Variants in ST7 observed in about 807,000 individuals in gnomAD.
ST7 encodes suppressor of tumorigenicity 7 protein.
In ST7, 28 loss-of-function variants were observed where a neutral mutation model predicts 78.7. The observed-to-expected ratio is 0.36, with a 90% CI of 0.26 to 0.49. The LOEUF is 0.49. ST7 is among the 20% of genes least tolerant of loss of function. The pLI is 0.99. For synonymous variants in ST7, 247 were observed against 249.6 expected (o/e 0.99, Z 0.10); for missense variants, 418 against 696.0 (o/e 0.60, Z 4.49).
At chr7:117,043,372 G>T (rs1327870113) in intron 1 of ST7, among the ~76,000 whole-genome samples, 6 of 152,186 alleles carry the variant, frequency 3.9e-5, no homozygotes, top group Admixed American at 6.5e-5. Context: ...GGTATGTGTT[G>T]CTGGGACCTT....
intron 13 of ST7, among the ~76,000 whole-genome samples, chr7:117,216,377 A>G (rs1792693348): frequency 6.6e-6 from 1 of 152,194 alleles, no homozygotes; most frequent in Non-Finnish European, 1.5e-5. Context: ...AACCCAATAC[A>G]TGTGTATTTT....
intron 7 of ST7, among the ~76,000 whole-genome samples, chr7:117,135,006 A>G (rs775317649): frequency 6.6e-6 from 1 of 152,020 alleles, no homozygotes; most frequent in Non-Finnish European, 1.5e-5. Flanking sequence ...CAGTTTGTGG[A>G]CAGTAAAAGT....
intron 9 of ST7, among the ~76,000 whole-genome samples, chr7:117,156,447 T>C (rs969774706): frequency 2.6e-5 from 4 of 152,184 alleles, no homozygotes; most frequent in African/African-American, 9.7e-5. Context: ...TTGTGTCATG[T>C]AGAGTTTCAG....
At chr7:116,997,540 G>A (rs1419255759) in intron 1 of ST7, among the ~76,000 whole-genome samples, 1 of 152,136 alleles carries the variant, frequency 6.6e-6, no homozygotes, top group Non-Finnish European at 1.5e-5. Flanking sequence ...GCTGATTGGT[G>A]TGTTTACAAA....
intron 11 of ST7, among the ~76,000 whole-genome samples, chr7:117,189,603 G>T (rs1809590634): frequency 1.3e-5 from 2 of 152,224 alleles, no homozygotes; most frequent in African/African-American, 4.8e-5. Flanking sequence ...GTATCCTAAA[G>T]CAGGATTTAT....
intron 10 of ST7, among the ~76,000 whole-genome samples, chr7:117,187,255 CA>C (rs1431724461): frequency 6.6e-6 from 1 of 152,136 alleles, no homozygotes; most frequent in Non-Finnish European, 1.5e-5. Context: ...AACTTACTAG[CA>C]TAAAAAGATA....
At chr7:117,077,132 A>G (rs1799407745) in intron 1 of ST7, among the ~76,000 whole-genome samples, 2 of 152,134 alleles carry the variant, frequency 1.3e-5, no homozygotes, top group South Asian at 4.1e-4. Flanking sequence ...CTCCGAAGTC[A>G]AGCCACTTCT....
intron 1 of ST7, among the ~76,000 whole-genome samples, chr7:117,034,389 T>C (rs1326046217): frequency 1.3e-5 from 2 of 152,214 alleles, no homozygotes; most frequent in Non-Finnish European, 2.9e-5. Context: ...ACATTTGCTG[T>C]ATGAAAATCT....
intron 1 of ST7, among the ~76,000 whole-genome samples, chr7:117,022,258 A>G (rs1006424808): frequency 3.3e-5 from 5 of 152,182 alleles, no homozygotes; most frequent in Non-Finnish European, 7.3e-5. Context: ...ACAGAATACT[A>G]TCATACAGGT....
intron 1 of ST7, among the ~76,000 whole-genome samples, chr7:117,009,493 C>T (rs1413801751): frequency 1.3e-5 from 2 of 152,068 alleles, no homozygotes; most frequent in African/African-American, 4.8e-5. Context: ...CTGATCATTA[C>T]ACTAGAGCTT....
chr7:117,073,237 A>C (rs1399689448), intron 1 of ST7: 1 of 152,206 alleles, frequency 6.6e-6, no homozygotes, highest in East Asian at 1.9e-4. Context: ...GCCTCTACAC[A>C]ATCTAGTACT....
At chr7:117,185,894 G>A (rs1253447248) in intron 10 of ST7, among the ~76,000 whole-genome samples, 1 of 152,186 alleles carries the variant, frequency 6.6e-6, no homozygotes, top group African/African-American at 2.4e-5. Context: ...TTGCACTCTA[G>A]CCTGGGCGAC....
At chr7:117,064,224 G>T (rs528410909) in intron 1 of ST7, among the ~76,000 whole-genome samples, 27 of 151,678 alleles carry the variant, frequency 1.8e-4, no homozygotes, top group Non-Finnish European at 3.7e-4. Flanking sequence ...TTAACATATT[G>T]TAAATAAACA....
intron 1 of ST7, chr7:116,954,509 T>TA (rs2116086142): frequency 6.6e-6 from 1 of 152,272 alleles, no homozygotes; most frequent in Non-Finnish European, 1.5e-5. Context: ...TGGTCGGTGG[T>TA]AAATGCAGGA....
At chr7:117,166,403 T>A (rs1807556317) in intron 9 of ST7, among the ~76,000 whole-genome samples, 1 of 152,140 alleles carries the variant, frequency 6.6e-6, no homozygotes, top group African/African-American at 2.4e-5. Context: ...GACTATAGTT[T>A]ATTATACTTA....
chr7:117,031,024 A>T (rs188835755), intron 1 of ST7, among the ~76,000 whole-genome samples: 18 of 152,302 alleles, frequency 1.2e-4, no homozygotes, highest in African/African-American at 4.3e-4. Context: ...GAACAAGATC[A>T]TGTCCTTTTC....
intron 1 of ST7, among the ~76,000 whole-genome samples, chr7:117,010,089 T>C (rs1264422417): frequency 6.6e-6 from 1 of 152,270 alleles, no homozygotes; most frequent in Non-Finnish European, 1.5e-5. Flanking sequence ...TAAGGATGAT[T>C]GTTATCTGTG....
rs557074709 is a variant in ST7 at position 116,987,350 on chromosome 7, A to C, written c.151+33659A>C. Among the ~76,000 whole-genome samples, 3 of 152,314 alleles carry C rather than the reference A, an allele frequency of 2.0e-5. No individual in the cohort carries two copies. The South Asian group carries it at 6.2e-4, about 32-fold the overall frequency. On this transcript the variant is annotated intron_variant, in intron 1 of 15. Transcript: ENST00000323984. ...ACAGGAGTAGACTTACTGGGTGTGC[A>C]CATCCTATTATGCAACGTCCTGGGC...
chr7:117,054,944 G>A (rs1797988812), intron 1 of ST7, among the ~76,000 whole-genome samples: 1 of 152,148 alleles, frequency 6.6e-6, no homozygotes, highest in Non-Finnish European at 1.5e-5. Flanking sequence ...ATGTGGTATA[G>A]GGAACCCCAG....
Sources: gnomAD v4.1 joint callset for allele counts (sites outside exome capture counted in the v4.1 genomes callset) on GRCh38, gnomAD v4.1.1 for gene constraint, MANE v1.5 for transcripts, NCBI Gene and HGNC (gene_info 2026-07-23, HGNC 2026-07-21) for gene names.